EYS: variants seen among roughly 807,000 people sequenced by gnomAD.
EYS encodes EGF-like photoreceptor maintenance factor, also known as protein eyes shut homolog.
Under a neutral mutation model 282.1 loss-of-function variants are expected in EYS, and 250 were observed. The ratio of observed to expected loss-of-function variants is 0.89; its 90% CI spans 0.80 to 0.98. EYS has a LOEUF of 0.98. Among genes scored for constraint, EYS ranks in the 50% least tolerant of loss-of-function variants. The probability of loss-of-function intolerance (pLI) is 0.00; values close to 1 mark genes in which losing one functional copy is unlikely to be tolerated. For missense variants in EYS, 4,016 were observed against 3,709.0 expected (o/e 1.08, Z -2.15); for synonymous variants, 1,355 against 1,282.9 (o/e 1.06, Z -1.20).
chr6:64,784,028 C>G (rs1773942121), intron 22 of EYS, among the ~76,000 whole-genome samples: 1 of 152,034 alleles, frequency 6.6e-6, no homozygotes, highest in South Asian at 2.1e-4. Context: ...AGTTTATGTA[C>G]ATATTTTGAA....
intron 29 of EYS, among the ~76,000 whole-genome samples, chr6:64,320,046 T>A (rs1396872788): frequency 6.6e-6 from 1 of 151,998 alleles, no homozygotes; most frequent in African/African-American, 2.4e-5. Flanking sequence ...ATTCATACTA[T>A]TTTGAGTGAC....
chr6:65,557,759 C>A (rs1338361136), intron 2 of EYS, among the ~76,000 whole-genome samples: 1 of 152,126 alleles, frequency 6.6e-6, no homozygotes, highest in Non-Finnish European at 1.5e-5. Flanking sequence ...ACACTGACAA[C>A]TGGAGGGTTA....
At chr6:63,901,104 A>G (rs977541383) in intron 35 of EYS, among the ~76,000 whole-genome samples, 2 of 152,048 alleles carry the variant, frequency 1.3e-5, no homozygotes, top group Non-Finnish European at 2.9e-5. Flanking sequence ...AGCAGCTGTT[A>G]TAAGTATGTC....
At chr6:65,558,749 A>G (rs909316475) in intron 2 of EYS, among the ~76,000 whole-genome samples, 2 of 152,354 alleles carry the variant, frequency 1.3e-5, no homozygotes, top group Admixed American at 1.3e-4. Flanking sequence ...ATGCACTGTC[A>G]TGTCATTTAT....
At chr6:64,312,186 T>A (rs1304314714) in intron 29 of EYS, among the ~76,000 whole-genome samples, 1 of 151,780 alleles carries the variant, frequency 6.6e-6, no homozygotes, top group African/African-American at 2.4e-5. Flanking sequence ...TGCTCGAGCT[T>A]GGTGGGGGGA....
intron 12 of EYS, among the ~76,000 whole-genome samples, chr6:65,189,620 T>C (rs570890499): frequency 6.6e-5 from 10 of 151,924 alleles, no homozygotes; most frequent in African/African-American, 2.4e-4. Flanking sequence ...AAAGAAGGTT[T>C]ACAATGACAG....
At chr6:64,502,128 G>A (rs1431476380) in intron 26 of EYS, among the ~76,000 whole-genome samples, 1 of 152,116 alleles carries the variant, frequency 6.6e-6, no homozygotes, top group Non-Finnish European at 1.5e-5. Flanking sequence ...TTTATATTTG[G>A]GTTAATGGCT....
intron 14 of EYS, among the ~76,000 whole-genome samples, chr6:64,987,812 T>C (rs892748441): frequency 6.6e-6 from 1 of 151,488 alleles, no homozygotes; most frequent in Non-Finnish European, 1.5e-5. Context: ...AACTAGTCCT[T>C]GATTGTATAT....
intron 5 of EYS, among the ~76,000 whole-genome samples, chr6:65,407,869 A>G (rs556831978): frequency 6.6e-6 from 1 of 151,628 alleles, no homozygotes; most frequent in South Asian, 2.1e-4. Context: ...CTTGTTCCCA[A>G]TTCTTCCAAG....
At chr6:63,932,788 T>C (rs1167207771) in intron 35 of EYS, among the ~76,000 whole-genome samples, 1 of 152,148 alleles carries the variant, frequency 6.6e-6, no homozygotes, top group Non-Finnish European at 1.5e-5. Flanking sequence ...GTTGACATCC[T>C]CTACTAATTC....
chr6:64,196,272 A>C (rs1399114270), intron 31 of EYS, among the ~76,000 whole-genome samples: 2 of 152,242 alleles, frequency 1.3e-5, no homozygotes, highest in Non-Finnish European at 2.9e-5. Flanking sequence ...GTGGAGAAAT[A>C]GGAACGCTTT....
chr6:65,668,398 G>T (rs1015069845), intron 1 of EYS, among the ~76,000 whole-genome samples: 1 of 151,774 alleles, frequency 6.6e-6, no homozygotes, highest in African/African-American at 2.4e-5. Context: ...GCTAACTGTG[G>T]CTCTTGGACT....
chr6:64,944,551 G>T (rs1769208770), intron 15 of EYS, among the ~76,000 whole-genome samples: 1 of 152,028 alleles, frequency 6.6e-6, no homozygotes, highest in South Asian at 2.1e-4. Context: ...TGAAAGCGGG[G>T]TATTGTCCAA....
At chr6:65,354,830 T>G (rs896715245) in intron 8 of EYS, among the ~76,000 whole-genome samples, 1 of 150,146 alleles carries the variant, frequency 6.7e-6, no homozygotes, top group African/African-American at 2.5e-5. Context: ...TCAAAAAAAA[T>G]GAAAAAGAAA....
chr6:64,964,317 T>G (rs1416162709), intron 14 of EYS, among the ~76,000 whole-genome samples: 1 of 152,176 alleles, frequency 6.6e-6, no homozygotes, highest in Non-Finnish European at 1.5e-5. Flanking sequence ...AAAGTTTTCA[T>G]ACAATATTCT....
At chr6:64,221,077 G>A (rs868692818) in intron 31 of EYS, among the ~76,000 whole-genome samples, 4 of 152,296 alleles carry the variant, frequency 2.6e-5, no homozygotes, top group East Asian at 1.9e-4. Context: ...CAGAATTGGT[G>A]TGTGGAATGA....
intron 22 of EYS, among the ~76,000 whole-genome samples, chr6:64,804,320 G>A (rs906114289): frequency 4.6e-5 from 7 of 152,104 alleles, no homozygotes; most frequent in Non-Finnish European, 1.0e-4. Context: ...AGTAGAACTG[G>A]ACATCAATAT....
At chr6:65,210,861 T>C (rs1359472145) in intron 12 of EYS, among the ~76,000 whole-genome samples, 1 of 151,936 alleles carries the variant, frequency 6.6e-6, no homozygotes, top group Non-Finnish European at 1.5e-5. Flanking sequence ...TTGATTATAA[T>C]GGCCTCTTGA....
chr6:65,507,234 A>C (rs901043192), intron 2 of EYS, among the ~76,000 whole-genome samples: 3 of 152,098 alleles, frequency 2.0e-5, no homozygotes, highest in African/African-American at 7.2e-5. Flanking sequence ...CTTGAAAGGT[A>C]TATCATTGCA....
Sources: gnomAD v4.1 joint callset for allele counts (sites outside exome capture counted in the v4.1 genomes callset) on GRCh38, gnomAD v4.1.1 for gene constraint, MANE v1.5 for transcripts, NCBI Gene and HGNC (gene_info 2026-07-23, HGNC 2026-07-21) for gene names.